PRKCA: variants seen among roughly 807,000 people sequenced by gnomAD.
The protein encoded by PRKCA is protein kinase C alpha type.
In PRKCA, 27 loss-of-function variants were observed where a neutral mutation model predicts 87.0. The ratio of observed to expected loss-of-function variants is 0.31; its 90% CI spans 0.23 to 0.43. The LOEUF (loss-of-function observed/expected upper bound fraction) is 0.43. Among genes scored for constraint, PRKCA ranks in the 20% least tolerant of loss-of-function variants. The probability of loss-of-function intolerance (pLI) is 1.00; values close to 1 mark genes in which losing one functional copy is unlikely to be tolerated. For synonymous variants in PRKCA, 329 were observed against 311.1 expected (o/e 1.06, Z -0.61); for missense variants, 518 against 852.3 (o/e 0.61, Z 4.88).
intron 5 of PRKCA, among the ~76,000 whole-genome samples, chr17:66,681,814 A>G (rs9914259): frequency 0.048 from 7,369 of 152,218 alleles, 613 homozygotes; most frequent in African/African-American, 0.17. Flanking sequence ...TCCCCTGTGC[A>G]CCATCAGATG....
At chr17:66,437,734 GC>G (rs1913481916) in intron 2 of PRKCA, among the ~76,000 whole-genome samples, 1 of 1,626 alleles carries the variant, frequency 6.2e-4, no homozygotes, top group Non-Finnish European at 3.1e-3. Flanking sequence ...TTTTTTTTGA[GC>G]GGGGGGTGGG....
intron 3 of PRKCA, among the ~76,000 whole-genome samples, chr17:66,626,443 C>G (rs1421118679): frequency 6.6e-6 from 1 of 151,334 alleles, no homozygotes; most frequent in African/African-American, 2.4e-5. Flanking sequence ...CTCACTGCAA[C>G]CTCCGCCTCC....
At chr17:66,647,176 G>C (rs1322819690) in intron 5 of PRKCA, among the ~76,000 whole-genome samples, 2 of 152,034 alleles carry the variant, frequency 1.3e-5, no homozygotes, top group African/African-American at 2.4e-5. Flanking sequence ...TCCTACTAAG[G>C]CTTCCACATT....
chr17:66,718,548 C>T (rs138209385), intron 8 of PRKCA, among the ~76,000 whole-genome samples: 2,895 of 152,280 alleles, frequency 0.019, 86 homozygotes, highest in African/African-American at 0.062. Context: ...AAACTCCCAG[C>T]CTCAAGCTAT....
chr17:66,414,297 C>T (rs886914767), intron 2 of PRKCA, among the ~76,000 whole-genome samples: 19 of 152,080 alleles, frequency 1.2e-4, no homozygotes, highest in Non-Finnish European at 2.2e-4. Context: ...CTCACGAGAT[C>T]TGGTCGTTTA....
chr17:66,463,384 T>TG (rs915885880), intron 2 of PRKCA, among the ~76,000 whole-genome samples: 2 of 120,002 alleles, frequency 1.7e-5, no homozygotes, highest in Non-Finnish European at 1.7e-5. Flanking sequence ...GATTCTGTGT[T>TG]TTTTTTTTTT....
At chr17:66,417,097 G>A (rs1467341581) in intron 2 of PRKCA, among the ~76,000 whole-genome samples, 1 of 151,916 alleles carries the variant, frequency 6.6e-6, no homozygotes, top group Non-Finnish European at 1.5e-5. Context: ...TGGGGGTTTT[G>A]CCATGTTGGC....
intron 5 of PRKCA, among the ~76,000 whole-genome samples, chr17:66,678,795 C>T (rs1034150612): frequency 6.6e-6 from 1 of 152,062 alleles, no homozygotes; most frequent in Non-Finnish European, 1.5e-5. Context: ...TGTGGAGTGT[C>T]GTTTTTCCTT....
chr17:66,399,080 ATTTTCTTTTC>A (rs61604684), intron 2 of PRKCA, among the ~76,000 whole-genome samples: 2 of 123,758 alleles, frequency 1.6e-5, no homozygotes, highest in African/African-American at 3.0e-5. Flanking sequence ...GGTAGACAGC[ATTTTCTTTTC>A]TTTTCTTTTC....
intron 5 of PRKCA, among the ~76,000 whole-genome samples, chr17:66,668,205 G>A (rs892857088): frequency 3.9e-5 from 6 of 152,198 alleles, no homozygotes; most frequent in African/African-American, 1.4e-4. Context: ...TCTCATTTCA[G>A]AGGACCAAAA....
At position 66,753,415 on chromosome 17, in the gene PRKCA, C is replaced by T. The variant is rs577944566; in HGVS notation, c.1524+10655C>T. ...ATGGCTGTTTTCAGGGGCAGTGGGA[C>T]GCAGTTAGACATGCAGGTTGGGGTG... On this transcript the variant is annotated intron_variant, in intron 13 of 16. Coordinates refer to ENST00000413366, the MANE Select transcript of PRKCA (RefSeq NM_002737.3). Among the ~76,000 whole-genome samples, 8 of 152,234 alleles carry T rather than the reference C, an allele frequency of 5.3e-5. No homozygotes were observed. In the South Asian group the frequency reaches 6.2e-4, roughly 12 times the overall value.
chr17:66,668,611 A>G (rs1972098084), intron 5 of PRKCA, among the ~76,000 whole-genome samples: 1 of 152,218 alleles, frequency 6.6e-6, no homozygotes. Context: ...TACAAACAGT[A>G]TCTTTGGGCA....
In PRKCA at chr17:66,735,674, G is replaced by A. The variant is rs1310370729; in HGVS notation, c.1230+12G>A. On this transcript the variant is annotated intron_variant, in intron 10 of 16. Transcript: ENST00000413366. ...GCTTCCAGACAGTGGTAAGGACCCT[G>A]GGAATCCCTGCGATGCAGTACCCAG... is the stretch of plus-strand genomic sequence containing the variant. 1 of 1,611,668 alleles carries A rather than the reference G, an allele frequency of 6.2e-7. No homozygotes were observed. The highest frequency in any genetic ancestry group is 1.1e-5 in the South Asian group (1 of 90,688).
chr17:66,617,592 A>G (rs1054965504), intron 3 of PRKCA, among the ~76,000 whole-genome samples: 1 of 152,204 alleles, frequency 6.6e-6, no homozygotes, highest in Non-Finnish European at 1.5e-5. Flanking sequence ...TCCACCTGCC[A>G]AACCCAGATC....
intron 3 of PRKCA, among the ~76,000 whole-genome samples, chr17:66,517,898 T>C (rs1457490423): frequency 6.6e-6 from 1 of 152,154 alleles, no homozygotes; most frequent in African/African-American, 2.4e-5. Context: ...GACCATAACG[T>C]GGACCATCTA....
chr17:66,492,168 T>C (rs1366673729), intron 2 of PRKCA, among the ~76,000 whole-genome samples: 1 of 152,170 alleles, frequency 6.6e-6, no homozygotes, highest in Non-Finnish European at 1.5e-5. Flanking sequence ...CTGCCTCTCA[T>C]AGGGTGAATC....
rs150605742 is a variant in PRKCA at position 66,344,598 on chromosome 17, T to C, written c.205+38471T>C. Among the ~76,000 whole-genome samples the C allele has an allele frequency of 2.8e-4, 42 of 152,350 alleles. No individual in the cohort carries two copies. In the East Asian group the frequency reaches 7.7e-3, roughly 28 times the overall value. On this transcript the variant is annotated intron_variant, in intron 2 of 16. Coordinates refer to ENST00000413366, the MANE Select transcript of PRKCA (RefSeq NM_002737.3). ...CATAATCATCCCTGTAAAGTTAGTG[T>C]TGGCATCCTTATTTTAGAGATGAGG...
At chr17:66,477,240 A>C (rs3848420) in intron 2 of PRKCA, among the ~76,000 whole-genome samples, 32,757 of 152,142 alleles carry the variant, frequency 0.22, 3,912 homozygotes, top group African/African-American at 0.31. Flanking sequence ...GAATAAAAAT[A>C]TCATGTTAAT....
chr17:66,609,778 C>G (rs1970299415), intron 3 of PRKCA, among the ~76,000 whole-genome samples: 1 of 150,984 alleles, frequency 6.6e-6, no homozygotes, highest in Non-Finnish European at 1.5e-5. Flanking sequence ...TTGGTTTTGG[C>G]AAGGCTTTAT....
Sources: gnomAD v4.1 joint callset for allele counts (sites outside exome capture counted in the v4.1 genomes callset) on GRCh38, gnomAD v4.1.1 for gene constraint, MANE v1.5 for transcripts, NCBI Gene and HGNC (gene_info 2026-07-23, HGNC 2026-07-21) for gene names.